The following ATP8B4 variants were observed in gnomAD, a reference collection of about 807,000 sequenced individuals.
ATP8B4 encodes the protein ATPase phospholipid transporting 8B4 (putative).
ATP8B4 carries 133 observed loss-of-function variants against 145.6 expected under a neutral mutation model. The observed-to-expected ratio is 0.91, with a 90% CI of 0.79 to 1.05. ATP8B4 has a LOEUF of 1.05. Among genes scored for constraint, ATP8B4 ranks in the 50% least tolerant of loss-of-function variants. The probability of loss-of-function intolerance (pLI) is 0.00; values close to 1 mark genes in which losing one functional copy is unlikely to be tolerated. For missense variants in ATP8B4, 1,458 were observed against 1,425.2 expected, an observed-to-expected ratio of 1.02 and a Z score of -0.37; for synonymous variants, 507 against 492.9, an observed-to-expected ratio of 1.03 and a Z score of -0.38.
chr15:50,100,043 A>AAG, intron 2 of ATP8B4, among the ~76,000 whole-genome samples: 1 of 151,892 alleles, frequency 6.6e-6, no homozygotes, highest in Admixed American at 6.6e-5. Flanking sequence ...CTCAAAAAAA[A>AAG]AAAAAAAAAA....
At chr15:50,079,670 A>C (rs185920822) in intron 2 of ATP8B4, among the ~76,000 whole-genome samples, 2 of 152,344 alleles carry the variant, frequency 1.3e-5, no homozygotes, top group East Asian at 3.9e-4. Flanking sequence ...ATCTCAGGAC[A>C]CAATTCAGAG....
In ATP8B4 at chr15:49,978,787, T is replaced by C. The variant is rs111498373; in HGVS notation, c.1034+830A>G. Among the ~76,000 whole-genome samples, 153 of 84,038 alleles carry C rather than the reference T, an allele frequency of 1.8e-3. 1 individual carries two copies. The highest frequency in any genetic ancestry group is 0.011 in the East Asian group (16 of 1,446). The allele number at this position is 84,038 out of a possible 152,430, so 55.1% of individuals were successfully genotyped here. A position where few individuals can be genotyped will look rare whatever the true frequency, so the allele number is the denominator to read the frequency against. On this transcript the variant is annotated intron_variant, in intron 12 of 27. Transcript: ENST00000284509. ...ACACACACACACACACACACACACA[T>C]GCATACATATGTATATAAATAAAGA...
At chr15:49,962,193 C>A (rs2413988) in intron 13 of ATP8B4, among the ~76,000 whole-genome samples, 173 bp from the exon 14 acceptor site, 33,425 of 152,136 alleles carry the variant, frequency 0.22, 4,495 homozygotes, top group East Asian at 0.59. Flanking sequence ...ATAAACATGG[C>A]AATTATGCAG....
At chr15:50,085,885 TTATATA>T (rs1180384776) in intron 2 of ATP8B4, among the ~76,000 whole-genome samples, 1 of 69,390 alleles carries the variant, frequency 1.4e-5, no homozygotes, top group African/African-American at 5.3e-5. Context: ...ATTTATATAT[TTATATA>T]TGATATATAT....
intron 2 of ATP8B4, among the ~76,000 whole-genome samples, chr15:50,084,908 C>G (rs895035037): frequency 2.0e-5 from 3 of 152,182 alleles, no homozygotes; most frequent in African/African-American, 7.2e-5. Context: ...GATATTCTCA[C>G]CACCCTCAAG....
intron 21 of ATP8B4, among the ~76,000 whole-genome samples, chr15:49,900,815 C>G (rs12913008): frequency 0.41 from 62,752 of 152,054 alleles, 13,679 homozygotes; most frequent in Admixed American, 0.52. Flanking sequence ...TTAAATAATA[C>G]TGCTAAGTGG....
chr15:49,878,027 T>C (rs1598853822), intron 24 of ATP8B4, among the ~76,000 whole-genome samples: 1 of 152,226 alleles, frequency 6.6e-6, no homozygotes, highest in East Asian at 1.9e-4. Context: ...CAGCATAGCA[T>C]TCCACGATCC....
intron 3 of ATP8B4, among the ~76,000 whole-genome samples, chr15:50,048,553 C>T (rs1344603074): frequency 6.6e-6 from 1 of 151,740 alleles, no homozygotes; most frequent in Non-Finnish European, 1.5e-5. Context: ...ACTACAAATA[C>T]AAAAATTAGC....
Position 50,003,533 on chromosome 15 carries a change from G to A in ATP8B4, c.436-1310C>T, listed in dbSNP as rs561736687. Among the ~76,000 whole-genome samples, 127 of 151,868 alleles carry A rather than the reference G, an allele frequency of 8.4e-4. 1 individual carries two copies. Among genetic ancestry groups the A allele is most frequent in the African/African-American group, 3.1e-3 (127 of 41,404 alleles). On this transcript the variant is annotated intron_variant, in intron 7 of 27. Transcript: ENST00000284509. ...TCTTGGGCCAAAAACTACCCATCCTGATTTTAAAGGAAAAAAAAATTTTTT... is the reference window on the plus strand; with the variant it reads ...TCTTGGGCCAAAAACTACCCATCCTAATTTTAAAGGAAAAAAAAATTTTTT...
intron 14 of ATP8B4, among the ~76,000 whole-genome samples, chr15:49,952,027 C>G (rs2043148827): frequency 6.6e-6 from 1 of 152,184 alleles, no homozygotes; most frequent in African/African-American, 2.4e-5. Context: ...GACCCCCAAT[C>G]TCTTCTGGCT....
At chr15:49,964,206 G>T (rs1401233406) in intron 13 of ATP8B4, among the ~76,000 whole-genome samples, 2 of 152,122 alleles carry the variant, frequency 1.3e-5, no homozygotes, top group Non-Finnish European at 2.9e-5. Context: ...TGCTGTGTGG[G>T]AGGAGTCCCT....
rs75598276 is a variant in ATP8B4, at chr15:49,974,835, A to G, written c.1035-2045T>C. On this transcript the variant is annotated intron_variant, in intron 12 of 27. Coordinates refer to ENST00000284509, the MANE Select transcript of ATP8B4 (RefSeq NM_024837.4). ...TTGTTGAACAATCAATCCTTTCTCC[A>G]TTAAGCTGGGATGCTTTCTGTGTCA... 6.4e-3 allele frequency among the ~76,000 whole-genome samples: 982 copies of G among 152,304 alleles called. 14 individuals carry two copies. The highest frequency in any genetic ancestry group is 0.023 in the African/African-American group (942 of 41,584).
At chr15:50,006,444 G>A (rs1191984920) in intron 7 of ATP8B4, among the ~76,000 whole-genome samples, 2 of 139,016 alleles carry the variant, frequency 1.4e-5, no homozygotes, top group South Asian at 2.4e-4. Context: ...CAACTCTGAC[G>A]TGAAGTTATA....
At chr15:50,087,116 TTA>T (rs1274760558) in intron 2 of ATP8B4, among the ~76,000 whole-genome samples, 2 of 125,714 alleles carry the variant, frequency 1.6e-5, no homozygotes, top group African/African-American at 6.3e-5. Flanking sequence ...ATTATATTTA[TTA>T]TATATAATAT....
At chr15:50,088,032 A>ATTAATATT (rs1328520768) in intron 2 of ATP8B4, among the ~76,000 whole-genome samples, 9 of 152,130 alleles carry the variant, frequency 5.9e-5, no homozygotes, top group South Asian at 2.1e-4. Flanking sequence ...CTCACTCTAA[A>ATTAATATT]TTAATATTTT....
At chr15:50,038,603 C>T (rs2051020652) in intron 6 of ATP8B4, among the ~76,000 whole-genome samples, 165 bp downstream of exon 6, 1 of 151,550 alleles carries the variant, frequency 6.6e-6, no homozygotes, top group Non-Finnish European at 1.5e-5. Context: ...ATTTGCGGAA[C>T]ATAAAAGAGA....
chr15:49,906,770 G>C (rs1028822487), intron 20 of ATP8B4, among the ~76,000 whole-genome samples: 1 of 152,110 alleles, frequency 6.6e-6, no homozygotes, highest in Non-Finnish European at 1.5e-5. Context: ...ATGACAAAAG[G>C]AGCAGAGTAG....
At chr15:50,116,787 T>C (rs1206768617) in intron 1 of ATP8B4, among the ~76,000 whole-genome samples, 1 of 151,628 alleles carries the variant, frequency 6.6e-6, no homozygotes, top group Non-Finnish European at 1.5e-5. Context: ...GTACTCAAAC[T>C]CCAGTTGAGT....
At chr15:49,997,893 C>T (rs2047557419) in intron 8 of ATP8B4, among the ~76,000 whole-genome samples, 1 of 152,016 alleles carries the variant, frequency 6.6e-6, no homozygotes, top group Non-Finnish European at 1.5e-5. Context: ...TTCTAGGACG[C>T]AGAGATGAGT....
Sources: allele counts gnomAD v4.1 joint callset (sites outside exome capture counted in the v4.1 genomes callset), GRCh38; gene constraint gnomAD v4.1.1; transcripts MANE v1.5; gene names NCBI Gene and HGNC (gene_info 2026-07-23, HGNC 2026-07-21).